Variants in IFT81 observed in about 807,000 individuals in gnomAD.
IFT81 encodes intraflagellar transport 81.
A neutral mutation model predicts 102.6 loss-of-function variants in IFT81; 72 were observed. The observed-to-expected ratio is 0.70, with a 90% CI of 0.58 to 0.85. IFT81 has a LOEUF of 0.85. IFT81 is among the 40% of genes least tolerant of loss of function. The probability of loss-of-function intolerance (pLI) is 0.00; values close to 1 mark genes in which losing one functional copy is unlikely to be tolerated. For missense variants in IFT81, 723 were observed against 787.3 expected (o/e 0.92, Z 0.98); for synonymous variants, 237 against 242.7 (o/e 0.98, Z 0.22).
chr12:110,172,553 G>A (rs1896791900), intron 11 of IFT81, among the ~76,000 whole-genome samples: 1 of 152,088 alleles, frequency 6.6e-6, no homozygotes, highest in African/African-American at 2.4e-5. Flanking sequence ...CGCCTGACTG[G>A]TTTTCGTATT....
In IFT81 at chr12:110,140,372, G is replaced by A. The variant is rs146328879; in HGVS notation, c.782-3010G>A. Among the ~76,000 whole-genome samples the A allele has an allele frequency of 8.0e-3, 1,224 of 152,188 alleles. 2 individuals are homozygous for A. Among genetic ancestry groups the A allele is most frequent in the Non-Finnish European group, 9.4e-3 (642 of 68,026 alleles). On this transcript the variant is annotated intron_variant, in intron 8 of 18. Transcript: ENST00000242591. ...GATCACAAACCTATCCATCACCCCA[G>A]ACATTTCCACTGACCCTTTTTAATG...
At chr12:110,196,708 C>A (rs1452445957) in intron 14 of IFT81, among the ~76,000 whole-genome samples, 1 of 152,140 alleles carries the variant, frequency 6.6e-6, no homozygotes, top group Non-Finnish European at 1.5e-5. Flanking sequence ...AGGAAAAAAA[C>A]TTCCCGTTGA....
Position 110,151,963 on chromosome 12 carries a change from A to G in IFT81, c.1041+4915A>G, listed in dbSNP as rs187506501. 1.7e-3 allele frequency among the ~76,000 whole-genome samples: 266 copies of G among 152,178 alleles called. 3 individuals are homozygous for G. Among genetic ancestry groups the G allele is most frequent in the African/African-American group, 6.0e-3 (250 of 41,526 alleles). On this transcript the variant is annotated intron_variant, in intron 10 of 18. Transcript: ENST00000242591. The stretch of plus-strand genomic sequence containing the variant: ...AACATAGTGTCCTTCAGGCTCATCC[A>G]TGTTGTTGTAAATGACAGGATTTCC...
At chr12:110,182,799 A>C (rs1226981810) in intron 12 of IFT81, among the ~76,000 whole-genome samples, 1 of 152,180 alleles carries the variant, frequency 6.6e-6, no homozygotes, top group Non-Finnish European at 1.5e-5. Context: ...CAGAGTATCT[A>C]TACCCACAGA....
rs1248261258 is a variant in IFT81, at chr12:110,190,952, A to T, written c.1371A>T (p.Gly457=). The T allele has an allele frequency of 3.5e-5, 56 of 1,600,236 alleles. No individual in the cohort carries two copies. The highest frequency in any genetic ancestry group is 4.6e-5 in the Non-Finnish European group (54 of 1,174,714). Residue 457 remains glycine (G), a synonymous_variant, in exon 13 of 19, where the codon GGA becomes GGT. Transcript: ENST00000242591. ...TGGAGGAGAAAAAGGGTATATCTGG[A>T]TATAGTTACACCCAAGAAGAGCTAG... ...QTMEEKKGIS[G]YSYTQEELER... is the part of the protein sequence containing the mutation.
chr12:110,216,576 G>C, intron 18 of IFT81: 1 of 453,056 alleles, frequency 2.2e-6, no homozygotes, highest in South Asian at 1.6e-5. Flanking sequence ...GGAGTGCAGT[G>C]GCACAATCTT....
intron 13 of IFT81, among the ~76,000 whole-genome samples, chr12:110,191,298 G>A (rs1441798080): frequency 1.3e-5 from 2 of 151,700 alleles, no homozygotes; most frequent in East Asian, 3.9e-4. Context: ...AGCCTCCCAA[G>A]TAGCTGGGAC....
chr12:110,209,181 AC>A lies in IFT81; in HGVS notation c.1815del (p.Asn607IlefsTer27), dbSNP rs1259193686. The A allele has an allele frequency of 1.9e-6, 3 of 1,548,598 alleles. No homozygotes were observed. The highest frequency in any genetic ancestry group is 2.7e-6 in the Non-Finnish European group (3 of 1,124,748). On this transcript the variant is annotated frameshift_variant, in exon 18 of 19. Coordinates refer to ENST00000242591, the MANE Select transcript of IFT81 (RefSeq NM_014055.4). LOFTEE classifies it high-confidence loss of function. ...ATGTTGACTCCCTAGGGAACAGTAT[AC>A]CAAAAATACTGCTGAACAAGAAAAC... is the stretch of plus-strand genomic sequence containing the variant. ...EKRKAIREQY[T>X]KNTAEQENLG...
In IFT81 at chr12:110,132,375, G is replaced by A. The variant is rs560841099; in HGVS notation, c.430-172G>A. On this transcript the variant is annotated intron_variant, in intron 4 of 18. Transcript: ENST00000242591. ...CTCAGGAGGCTGACGCAGGAGAATC[G>A]CTTGAATCTGGGAGGCGGAAGTTGT... 5.3e-5 allele frequency among the ~76,000 whole-genome samples: 8 copies of A among 151,578 alleles called. No homozygotes were observed. The South Asian group carries it at 1.2e-3, about 24-fold the overall frequency.
At chr12:110,148,518 C>T (rs1895348950) in intron 10 of IFT81, among the ~76,000 whole-genome samples, 1 of 151,822 alleles carries the variant, frequency 6.6e-6, no homozygotes, top group Non-Finnish European at 1.5e-5. Context: ...CACTGTCACC[C>T]AGGCTAGAGT....
intron 18 of IFT81, chr12:110,216,924 T>C (rs1201538758): frequency 5.0e-6 from 1 of 199,586 alleles, no homozygotes; most frequent in Non-Finnish European, 1.0e-5. Flanking sequence ...AATTTTTATG[T>C]AAATGGAAAT....
chr12:110,179,350 ATT>A (rs1897184737), intron 11 of IFT81, among the ~76,000 whole-genome samples: 2 of 151,846 alleles, frequency 1.3e-5, no homozygotes, highest in South Asian at 4.2e-4. Flanking sequence ...TGACCTTTTT[ATT>A]TTTATAAGGT....
chr12:110,217,412 A>G (rs1870273168), intron 18 of IFT81, among the ~76,000 whole-genome samples: 1 of 152,184 alleles, frequency 6.6e-6, no homozygotes. Context: ...TTACCACTAG[A>G]GGAGACAAAA....
At chr12:110,209,278 A>C (rs1196008498) in intron 18 of IFT81, 62 bp downstream of exon 18, 1 of 758,970 alleles carries the variant, frequency 1.3e-6, no homozygotes, top group African/African-American at 1.8e-5. Flanking sequence ...AGTACTGTAC[A>C]TGGTTTATGA....
intron 10 of IFT81, among the ~76,000 whole-genome samples, chr12:110,160,822 T>C (rs1474174721): frequency 6.6e-6 from 1 of 152,252 alleles, no homozygotes. Context: ...TTTTCTATTC[T>C]TTTGATCTTT....
intron 11 of IFT81, among the ~76,000 whole-genome samples, chr12:110,165,698 C>A (rs771430924): frequency 1.3e-5 from 2 of 152,174 alleles, no homozygotes; most frequent in Non-Finnish European, 2.9e-5. Flanking sequence ...GAGGAGATTG[C>A]AGTTTCACAC....
chr12:110,145,745 T>C (rs1445236511), intron 9 of IFT81, among the ~76,000 whole-genome samples: 1 of 150,954 alleles, frequency 6.6e-6, no homozygotes, highest in Non-Finnish European at 1.5e-5. Flanking sequence ...CTGACTGTTT[T>C]ATTCTTTTAA....
intron 11 of IFT81, among the ~76,000 whole-genome samples, chr12:110,171,563 A>G (rs1373547056): frequency 1.3e-5 from 2 of 152,340 alleles, no homozygotes; most frequent in East Asian, 3.9e-4. Context: ...GAGATTTTCT[A>G]ATTTACAGTT....
intron 11 of IFT81, among the ~76,000 whole-genome samples, chr12:110,173,725 G>T (rs1896896884): frequency 6.6e-6 from 1 of 152,140 alleles, no homozygotes. Context: ...TGGATTAAGG[G>T]CAGTGCAAGA....
Sources: allele counts gnomAD v4.1 joint callset (sites outside exome capture counted in the v4.1 genomes callset), GRCh38; gene constraint gnomAD v4.1.1; transcripts MANE v1.5; gene names NCBI Gene and HGNC (gene_info 2026-07-23, HGNC 2026-07-21).